The following COL4A1 variants were observed in gnomAD, a reference collection of about 807,000 sequenced individuals.
COL4A1 encodes collagen type IV alpha 1 chain.
A neutral mutation model predicts 216.6 loss-of-function variants in COL4A1; 40 were observed. The observed-to-expected ratio is 0.18, with a 90% CI of 0.14 to 0.24. The LOEUF (loss-of-function observed/expected upper bound fraction) is 0.24, where lower values mean the gene tolerates loss of function less well. Ranked by LOEUF, COL4A1 falls within the 10% of genes least tolerant of loss-of-function variation. The pLI, the probability that COL4A1 is intolerant of heterozygous loss-of-function variation, is 1.00. For synonymous variants in COL4A1, 839 were observed against 810.7 expected (o/e 1.03, Z -0.59); for missense variants, 1,628 against 2,196.8 (o/e 0.74, Z 5.18).
At chr13:110,228,839 T>C (rs1362417182) in intron 2 of COL4A1, among the ~76,000 whole-genome samples, 1 of 152,182 alleles carries the variant, frequency 6.6e-6, no homozygotes, top group Admixed American at 6.5e-5. Context: ...CATGCCCAGA[T>C]AAAATGATTT....
chr13:110,177,719 A>T, intron 33 of COL4A1, 123 bp downstream of exon 33: 1 of 975,492 alleles, frequency 1.0e-6, no homozygotes, highest in South Asian at 1.3e-5. Context: ...CTTCTGCTTG[A>T]TGTTCCTAAC....
intron 21 of COL4A1, among the ~76,000 whole-genome samples, chr13:110,197,656 C>G (rs1878966714): frequency 6.6e-6 from 1 of 152,202 alleles, no homozygotes; most frequent in Non-Finnish European, 1.5e-5. Flanking sequence ...GAATCCATGG[C>G]TCCATCTAGT....
chr13:110,156,727 G>T (rs186021198), intron 49 of COL4A1, among the ~76,000 whole-genome samples: 77 of 152,308 alleles, frequency 5.1e-4, no homozygotes, highest in Non-Finnish European at 1.0e-4. Flanking sequence ...GTCACAAAAT[G>T]AACAGAGTGT....
chr13:110,169,464 GA>G (rs1159749712), intron 43 of COL4A1, among the ~76,000 whole-genome samples, 164 bp downstream of exon 43: 1 of 149,250 alleles, frequency 6.7e-6, no homozygotes, highest in Non-Finnish European at 1.5e-5. Context: ...AAGAAAGAAA[GA>G]AAGAACTGAT....
chr13:110,222,173 T>C (rs626679), intron 2 of COL4A1, among the ~76,000 whole-genome samples: 145,558 of 152,032 alleles, frequency 0.96, 70,008 homozygotes, highest in Middle Eastern at 1. Flanking sequence ...AGCGCTGCCT[T>C]CATGTGAAAC....
intron 2 of COL4A1, among the ~76,000 whole-genome samples, chr13:110,215,560 CAAAAAAAA>C (rs869160688): frequency 4.3e-4 from 28 of 65,636 alleles, no homozygotes; most frequent in Non-Finnish European, 6.5e-4. Flanking sequence ...GACTCTGTCT[CAAAAAAAA>C]AAAAAAAACA....
chr13:110,191,350 T>A, intron 24 of COL4A1: 1 of 251,428 alleles, frequency 4.0e-6, no homozygotes, highest in East Asian at 7.1e-5. Context: ...ACTTTCAATA[T>A]CTTACAAAAA....
intron 44 of COL4A1, among the ~76,000 whole-genome samples, 186 bp from the exon 45 acceptor site, chr13:110,166,489 GCATA>G (rs1566343780): frequency 1.3e-5 from 2 of 152,086 alleles, no homozygotes; most frequent in African/African-American, 4.8e-5. Context: ...GCTTATGCAT[GCATA>G]CATATACACA....
chr13:110,205,683 C>T (rs1365168886), intron 15 of COL4A1, 145 bp from the exon 16 acceptor site: 10 of 842,452 alleles, frequency 1.2e-5, no homozygotes, highest in African/African-American at 1.7e-5. Flanking sequence ...GCCAACATGG[C>T]GAAATCCCGT....
At chr13:110,169,927 A>AGGAG (rs779170796) in intron 42 of COL4A1, among the ~76,000 whole-genome samples, 165 bp from the exon 43 acceptor site, 10 of 73,040 alleles carry the variant, frequency 1.4e-4, no homozygotes, top group East Asian at 5.5e-4. Flanking sequence ...GAAGGAAGGA[A>AGGAG]GGAGGGAGGG....
chr13:110,238,014 C>G (rs1325798220), intron 2 of COL4A1, among the ~76,000 whole-genome samples: 9 of 152,232 alleles, frequency 5.9e-5, no homozygotes, highest in African/African-American at 2.2e-4. Context: ...TTTAGACAGA[C>G]AGATAGCAAT....
At chr13:110,235,007 C>G (rs545419819) in intron 2 of COL4A1, among the ~76,000 whole-genome samples, 1 of 152,260 alleles carries the variant, frequency 6.6e-6, no homozygotes, top group South Asian at 2.1e-4. Context: ...CTAAGGAACA[C>G]TTTTTAATGC....
In COL4A1 at chr13:110,207,556, A is replaced by G. The variant is rs1879575017; in HGVS notation, c.694-67T>C. The stretch of plus-strand genomic sequence containing the variant: ...ATTATGCAGACATGAAAAATTGCAG[A>G]GAGAGGTAAAAGCCTAAAATAAAAC... On this transcript the variant is annotated intron_variant, in intron 12 of 51. Coordinates refer to ENST00000375820, the MANE Select transcript of COL4A1 (RefSeq NM_001845.6). The surrounding 1 kb of genome is among the most constrained non-coding windows in gnomAD (Gnocchi z 4.4). 1 of 1,314,034 alleles carries G rather than the reference A, an allele frequency of 7.6e-7. No individual in the cohort carries two copies. The allele number at this position is 1,314,034 out of a possible 1,614,324, so 81.4% of individuals were successfully genotyped here.
At position 110,219,682 on chromosome 13, in the gene COL4A1, A is replaced by ATATATG. The variant is rs1555307864; in HGVS notation, c.145-5668_145-5667insCATATA. On this transcript the variant is annotated intron_variant, in intron 2 of 51. Coordinates refer to ENST00000375820, the MANE Select transcript of COL4A1 (RefSeq NM_001845.6). ...TATATGTATATATATATATATGTGT[A>ATATATG]TATATATGTATATATATGTATATAC... Among the ~76,000 whole-genome samples, 8 of 133,694 alleles carry ATATATG rather than the reference A, an allele frequency of 6.0e-5. 1 individual carries two copies. Among genetic ancestry groups the ATATATG allele is most frequent in the Admixed American group, 1.6e-4 (2 of 12,422 alleles). The allele number at this position is 133,694 out of a possible 152,430, so 87.7% of individuals were successfully genotyped here. A position where few individuals can be genotyped will look rare whatever the true frequency, so the allele number is the denominator to read the frequency against.
At chr13:110,269,878 C>G (rs1318281677) in intron 1 of COL4A1, among the ~76,000 whole-genome samples, 2 of 152,064 alleles carry the variant, frequency 1.3e-5, no homozygotes. Context: ...GTGAAGGGGT[C>G]TGAAGCCTCA....
intron 1 of COL4A1, among the ~76,000 whole-genome samples, chr13:110,301,380 T>C (rs1884486018): frequency 6.6e-6 from 1 of 152,162 alleles, no homozygotes; most frequent in African/African-American, 2.4e-5. Flanking sequence ...CTGGCAAGTG[T>C]TGGAACCAAG....
At chr13:110,276,127 G>A (rs762858798) in intron 1 of COL4A1, among the ~76,000 whole-genome samples, 2 of 152,076 alleles carry the variant, frequency 1.3e-5, no homozygotes, top group African/African-American at 2.4e-5. Context: ...GGTGCGGGAT[G>A]TAGAGATCAT....
At chr13:110,249,068 AGAAT>A (rs1231089698) in intron 1 of COL4A1, among the ~76,000 whole-genome samples, 1 of 152,108 alleles carries the variant, frequency 6.6e-6, no homozygotes, top group Non-Finnish European at 1.5e-5. Flanking sequence ...GCCCTAAAAA[AGAAT>A]CTTAAAACTT....
Position 110,173,912 on chromosome 13 carries a change from T to C in COL4A1, c.3493A>G (p.Lys1165Glu). ...CGTTGGGCCATACCTGGTTCACCCT[T>C]CTCTCCTGCTGACCCCGGGATTCCA... ...SDGIPGSAGE[K>E]GEPGLPGRGF... The change falls in exon 40 of 52, where the codon AAG becomes GAG. Residue 1165 changes from lysine to glutamate, a missense_variant. Around this residue, in one of 8 missense-constraint regions of COL4A1, gnomAD observed 345 missense variants for 476.9 expected, o/e 0.72. Coordinates refer to ENST00000375820, the MANE Select transcript of COL4A1 (RefSeq NM_001845.6). 20 of 1,614,132 alleles carry C rather than the reference T, an allele frequency of 1.2e-5. No homozygotes were observed. Among genetic ancestry groups the C allele is most frequent in the Non-Finnish European group, 1.7e-5 (20 of 1,180,002 alleles).
Sources: allele counts gnomAD v4.1 joint callset (sites outside exome capture counted in the v4.1 genomes callset), GRCh38; gene constraint gnomAD v4.1.1; regional missense constraint gnomAD v4.1.1; non-coding constraint Gnocchi (gnomAD v3.1); transcripts MANE v1.5; gene names NCBI Gene and HGNC (gene_info 2026-07-23, HGNC 2026-07-21).